Variants in LRBA observed in about 807,000 individuals in gnomAD.
LRBA encodes LPS responsive beige-like anchor protein, also known as lipopolysaccharide-responsive and beige-like anchor protein.
In LRBA, 176 loss-of-function variants were observed where a neutral mutation model predicts 330.0. That is an observed-to-expected ratio of 0.53 (90% CI 0.47 to 0.60). The LOEUF (loss-of-function observed/expected upper bound fraction) is 0.60. LRBA is among the 20% of genes least tolerant of loss of function. LRBA has a pLI of 0.00. For synonymous variants in LRBA, 1,230 were observed against 1,193.0 expected (o/e 1.03, Z -0.64); for missense variants, 3,259 against 3,444.8 (o/e 0.95, Z 1.35).
intron 40 of LRBA, among the ~76,000 whole-genome samples, chr4:150,546,540 T>C (rs1765877918): frequency 6.6e-6 from 1 of 152,196 alleles, no homozygotes; most frequent in Non-Finnish European, 1.5e-5. Context: ...TGCCTGCAGC[T>C]TACCCTTTAG....
At chr4:150,992,315 CAA>C (rs11444108) in intron 2 of LRBA, among the ~76,000 whole-genome samples, 5 of 133,314 alleles carry the variant, frequency 3.8e-5, no homozygotes, top group South Asian at 2.4e-4. Flanking sequence ...GACTCCGTCT[CAA>C]AAAAAAAAAA....
chr4:150,578,971 A>C (rs1360784490), intron 40 of LRBA: 1 of 285,540 alleles, frequency 3.5e-6, no homozygotes, highest in Non-Finnish European at 6.8e-6. Flanking sequence ...CAGCCTCCCT[A>C]ATGAATTTGT....
intron 2 of LRBA, among the ~76,000 whole-genome samples, chr4:150,946,203 TC>T (rs1246570743): frequency 1.3e-5 from 2 of 152,248 alleles, no homozygotes; most frequent in African/African-American, 4.8e-5. Flanking sequence ...AACTGTGCCT[TC>T]CTCAATAATT....
chr4:150,371,518 A>C (rs1740319701), intron 47 of LRBA, among the ~76,000 whole-genome samples: 1 of 151,996 alleles, frequency 6.6e-6, no homozygotes, highest in East Asian at 1.9e-4. Context: ...TAATATTTAT[A>C]TCTCTTATTA....
At chr4:150,407,447 C>T (rs1746357234) in intron 47 of LRBA, among the ~76,000 whole-genome samples, 1 of 151,760 alleles carries the variant, frequency 6.6e-6, no homozygotes, top group Admixed American at 6.6e-5. Flanking sequence ...ACTAGCAAAA[C>T]AAAAACAAAC....
At chr4:150,355,456 T>C (rs1407084966) in intron 47 of LRBA, among the ~76,000 whole-genome samples, 1 of 152,148 alleles carries the variant, frequency 6.6e-6, no homozygotes, top group African/African-American at 2.4e-5. Flanking sequence ...AAATAAAAAC[T>C]AGCAATATCT....
chr4:150,450,288 A>G (rs1239201852), intron 44 of LRBA, among the ~76,000 whole-genome samples: 2 of 152,236 alleles, frequency 1.3e-5, no homozygotes, highest in African/African-American at 4.8e-5. Flanking sequence ...CTATAACTAA[A>G]TATCACAAAC....
chr4:150,485,493 T>C (rs1057362643), intron 42 of LRBA, among the ~76,000 whole-genome samples: 1 of 151,970 alleles, frequency 6.6e-6, no homozygotes, highest in African/African-American at 2.4e-5. Context: ...TATTTTCAAG[T>C]TAAAATGAAG....
At chr4:150,667,290 C>T (rs1263151910) in intron 37 of LRBA, among the ~76,000 whole-genome samples, 1 of 152,110 alleles carries the variant, frequency 6.6e-6, no homozygotes, top group African/African-American at 2.4e-5. Context: ...CCAGGATTAA[C>T]TTCGTTGGGC....
At chr4:150,338,624 CT>C (rs1169885637) in intron 48 of LRBA, among the ~76,000 whole-genome samples, 3 of 152,168 alleles carry the variant, frequency 2.0e-5, no homozygotes, top group Non-Finnish European at 4.4e-5. Flanking sequence ...TCAAAACCTA[CT>C]GTCCAGTCTT....
intron 9 of LRBA, among the ~76,000 whole-genome samples, chr4:150,909,637 C>T (rs186004903): frequency 7.2e-5 from 11 of 152,236 alleles, no homozygotes; most frequent in Admixed American, 6.5e-4. Context: ...TGTGCAAATA[C>T]GTCTCTGTGA....
At chr4:150,704,332 G>C (rs1785403670) in intron 36 of LRBA, among the ~76,000 whole-genome samples, 1 of 151,330 alleles carries the variant, frequency 6.6e-6, no homozygotes, top group South Asian at 2.1e-4. Flanking sequence ...CCTCTTGGTG[G>C]GGCAAAGATA....
At chr4:150,539,571 G>C (rs1476349521) in intron 40 of LRBA, among the ~76,000 whole-genome samples, 1 of 152,146 alleles carries the variant, frequency 6.6e-6, no homozygotes, top group African/African-American at 2.4e-5. Context: ...AAAGTCGAAA[G>C]GAGATTCACA....
In LRBA at chr4:150,947,466, T is replaced by C. The variant is rs551389174; in HGVS notation, c.217-18401A>G. Among the ~76,000 whole-genome samples the C allele has an allele frequency of 3.9e-5, 6 of 152,140 alleles. No individual in the cohort carries two copies. The South Asian group carries it at 1.0e-3, about 26-fold the overall frequency. On this transcript the variant is annotated intron_variant, in intron 2 of 56. Transcript: ENST00000651943. ...ATATCAACTGATGCAGAAAAAGTAT[T>C]TGACAAAAATTCAATAACACTATTG...
chr4:150,756,302 G>C (rs1023200100), intron 35 of LRBA, among the ~76,000 whole-genome samples: 1 of 152,082 alleles, frequency 6.6e-6, no homozygotes, highest in Non-Finnish European at 1.5e-5. Flanking sequence ...AATATTTGGA[G>C]GGATCACAAG....
At chr4:150,304,970 CT>C (rs1443010312) in intron 52 of LRBA, among the ~76,000 whole-genome samples, 1 of 152,130 alleles carries the variant, frequency 6.6e-6, no homozygotes, top group African/African-American at 2.4e-5. Flanking sequence ...TATATGACTT[CT>C]GCTTTAGCCT....
chr4:150,464,593 G>T (rs1226969611), intron 44 of LRBA, among the ~76,000 whole-genome samples: 2 of 151,820 alleles, frequency 1.3e-5, no homozygotes, highest in Non-Finnish European at 1.5e-5. Context: ...CATTCCTCAT[G>T]GTCAATGGGT....
In LRBA at chr4:150,599,047, C is replaced by T. The variant is rs1028376154; in HGVS notation, c.6006G>A (p.Ser2002=). ...RRRFVRNPLG[S]THPEATLKTA... ...TTTTTAGTGTCGCTTCAGGATGTGT[C>T]GATCCTAGAGGGTTACGCACAAATC... is the stretch of plus-strand genomic sequence containing the variant. Residue 2002 remains serine (S), a synonymous_variant, in exon 38 of 57, where the codon TCG becomes TCA. Coordinates refer to ENST00000651943, the MANE Select transcript of LRBA (RefSeq NM_001364905.1). The T allele has an allele frequency of 3.7e-6, 6 of 1,613,884 alleles. No homozygotes were observed. Among genetic ancestry groups the T allele is most frequent in the Admixed American group, 1.7e-5 (1 of 60,004 alleles).
intron 40 of LRBA, among the ~76,000 whole-genome samples, chr4:150,536,389 A>C (rs901491595): frequency 1.3e-5 from 2 of 152,236 alleles, no homozygotes; most frequent in Non-Finnish European, 2.9e-5. Flanking sequence ...AAAAGTATTT[A>C]GGAATGGACT....
Sources: gnomAD v4.1 joint callset for allele counts (sites outside exome capture counted in the v4.1 genomes callset) on GRCh38, gnomAD v4.1.1 for gene constraint, MANE v1.5 for transcripts, NCBI Gene and HGNC (gene_info 2026-07-23, HGNC 2026-07-21) for gene names.